The following XDH variants were observed in gnomAD, a reference collection of about 807,000 sequenced individuals.
XDH encodes xanthine dehydrogenase/oxidase.
Under a neutral mutation model 156.1 loss-of-function variants are expected in XDH, and 138 were observed. That is an observed-to-expected ratio of 0.88 (90% confidence interval 0.77 to 1.02). The LOEUF is 1.02. Among genes scored for constraint, XDH ranks in the 50% least tolerant of loss-of-function variants. The pLI is 0.00. For synonymous variants in XDH, 669 were observed against 625.7 expected (o/e 1.07, Z -1.03); for missense variants, 1,849 against 1,684.9 (o/e 1.10, Z -1.71).
chr2:31,379,910 G>C lies in XDH; in HGVS notation c.1199C>G (p.Pro400Arg). The stretch of plus-strand genomic sequence containing the variant: ...CTCTATGGAGAGCAGTATCTCCTCC[G>C]GGCTCAGCAGGGTCTTTCTGTAGCC... ...FPGYRKTLLSPEEILLSIEIP... is the reference protein window; with the variant it reads ...FPGYRKTLLSREEILLSIEIP... Residue 400 changes from proline to arginine, a missense_variant, in exon 13 of 36, where the codon CCG (proline) becomes CGG (arginine). Pro to Arg is a moderately radical substitution (Grantham distance 103, BLOSUM62 -2). Transcript: ENST00000379416. 1 of 1,614,128 alleles carries C rather than the reference G, an allele frequency of 6.2e-7. No homozygotes were observed. Among genetic ancestry groups the C allele is most frequent in the Non-Finnish European group, 8.5e-7 (1 of 1,180,020 alleles).
intron 1 of XDH, among the ~76,000 whole-genome samples, chr2:31,410,668 T>C (rs1687317872): frequency 6.6e-6 from 1 of 152,172 alleles, no homozygotes; most frequent in Non-Finnish European, 1.5e-5. Flanking sequence ...TTCTGTGGTA[T>C]TCCTGCCCCC....
At chr2:31,382,425 T>A (rs1221088730) in intron 11 of XDH, among the ~76,000 whole-genome samples, 1 of 152,210 alleles carries the variant, frequency 6.6e-6, no homozygotes, top group Non-Finnish European at 1.5e-5. Context: ...AGATAGCTTT[T>A]CTTCCGACAC....
rs1304845429 is a variant in XDH at position 31,342,371 on chromosome 2, G to C, written c.3405-74C>G. 19 of 1,294,744 alleles carry C rather than the reference G, an allele frequency of 1.5e-5. No homozygotes were observed. The South Asian group carries it at 1.9e-4, about 13-fold the overall frequency. The allele number at this position is 1,294,744 out of a possible 1,614,324, so 80.2% of individuals were successfully genotyped here. A position where few individuals can be genotyped will look rare whatever the true frequency, so the allele number is the denominator to read the frequency against. On this transcript the variant is annotated intron_variant, in intron 31 of 35. Transcript: ENST00000379416. ...CCCCTTCCCTATGCACGTACAGCTT[G>C]ACCCACAACATCTTTAAACCCCACA...
chr2:31,410,782 A>G (rs371836000), intron 1 of XDH, among the ~76,000 whole-genome samples: 5 of 152,212 alleles, frequency 3.3e-5, no homozygotes, highest in East Asian at 3.8e-4. Flanking sequence ...CACCAATGTC[A>G]TGAAAGGAAA....
chr2:31,373,314 G>A (rs970374604), intron 16 of XDH, among the ~76,000 whole-genome samples: 3 of 152,154 alleles, frequency 2.0e-5, no homozygotes, highest in Admixed American at 2.0e-4. Flanking sequence ...TGTGGCATGG[G>A]GGCCAACACA....
intron 9 of XDH, chr2:31,384,335 G>A (rs1686524943): frequency 5.7e-6 from 1 of 173,918 alleles, no homozygotes; most frequent in South Asian, 1.4e-4. Context: ...ACACAGCTAA[G>A]AATAACCAAA....
At chr2:31,365,307 C>T in intron 23 of XDH, 150 bp downstream of exon 23, 1 of 822,802 alleles carries the variant, frequency 1.2e-6, no homozygotes, top group South Asian at 1.4e-5. Flanking sequence ...TGCTGTTAGC[C>T]TATTTGAATT....
chr2:31,404,223 C>A (rs1484091669), intron 2 of XDH, among the ~76,000 whole-genome samples: 1 of 152,160 alleles, frequency 6.6e-6, no homozygotes, highest in Non-Finnish European at 1.5e-5. Flanking sequence ...TCCTTCCTCC[C>A]CAGCACACCT....
intron 1 of XDH, 103 bp from the exon 2 acceptor site, chr2:31,406,067 G>A: frequency 7.6e-7 from 1 of 1,312,710 alleles, no homozygotes; most frequent in Non-Finnish European, 1.1e-6. Context: ...TGTAGAGTTA[G>A]TAGGAAGTGT....
chr2:31,413,986 G>C (rs747887176), intron 1 of XDH, among the ~76,000 whole-genome samples: 1 of 152,078 alleles, frequency 6.6e-6, no homozygotes, highest in Non-Finnish European at 1.5e-5. Flanking sequence ...AATTCAAGTA[G>C]GTAACAGATT....
At chr2:31,356,453 C>A (rs1038973099) in intron 24 of XDH, among the ~76,000 whole-genome samples, 3 of 152,146 alleles carry the variant, frequency 2.0e-5, no homozygotes, top group Non-Finnish European at 4.4e-5. Context: ...AATGCAATCA[C>A]ATGTCTCTGT....
rs1686219652 is a variant in XDH at position 31,375,453 on chromosome 2, G to A, written c.1529C>T (p.Thr510Ile). The change falls in exon 15 of 36, where the codon ACC becomes ATC. Residue 510 changes from threonine to isoleucine, a missense_variant. By Grantham distance (89) the Thr-to-Ile change is moderately conservative. Transcript: ENST00000379416. ...CTTGAAGAAGAAGCTGAGGGTGAGG[G>A]TGCACCGGAAGTCCACCATGCCACC... is the stretch of plus-strand genomic sequence containing the variant. ...APGGMVDFRC[T>I]LTLSFFFKFY... 11 of 1,614,210 alleles carry A rather than the reference G, an allele frequency of 6.8e-6. No homozygotes were observed. Among genetic ancestry groups the A allele is most frequent in the East Asian group, 2.2e-5 (1 of 44,888 alleles).
chr2:31,392,310 C>G (rs11895133), intron 6 of XDH, among the ~76,000 whole-genome samples: 33,143 of 151,520 alleles, frequency 0.22, 4,005 homozygotes, highest in African/African-American at 0.3. Context: ...GATTTTTGCT[C>G]CAAATTTTAT....
At chr2:31,377,343 T>C (rs985131372) in intron 13 of XDH, 106 bp from the exon 14 acceptor site, 19 of 1,256,694 alleles carry the variant, frequency 1.5e-5, no homozygotes, top group Non-Finnish European at 2.2e-5. Context: ...GATAACACCA[T>C]CACACATCAG....
intron 6 of XDH, among the ~76,000 whole-genome samples, chr2:31,391,008 T>C (rs1232113598): frequency 1.3e-5 from 2 of 152,236 alleles, no homozygotes; most frequent in Non-Finnish European, 2.9e-5. Context: ...AATTATTTCT[T>C]TTATGGATCA....
chr2:31,347,565 G>A lies in XDH; in HGVS notation c.3233C>T (p.Thr1078Met), dbSNP rs748919252. 4.2e-5 allele frequency: 67 copies of A among 1,614,058 alleles called. No homozygotes were observed. The highest frequency in any genetic ancestry group is 1.6e-4 in the Middle Eastern group (1 of 6,074). Residue 1078 changes from threonine (T) to methionine (M), a missense_variant, in exon 29 of 36, where the codon ACG (threonine) becomes ATG (methionine). Transcript: ENST00000379416. ...STNTVPNTSP[T>M]AASVSADLNG... ...GAGGTCAGCGCTGACAGAGGCAGCCGTGGGAGAGGTGTTGGGCACAGTGTT... is the reference window on the plus strand; with the variant it reads ...GAGGTCAGCGCTGACAGAGGCAGCCATGGGAGAGGTGTTGGGCACAGTGTT...
intron 3 of XDH, among the ~76,000 whole-genome samples, chr2:31,401,691 C>T (rs1687065278): frequency 6.6e-6 from 1 of 152,236 alleles, no homozygotes; most frequent in Non-Finnish European, 1.5e-5. Context: ...AGCCTTAAAG[C>T]ATGCTCCTGC....
intron 26 of XDH, 113 bp from the exon 27 acceptor site, chr2:31,349,093 A>G: frequency 9.8e-7 from 1 of 1,023,396 alleles, no homozygotes; most frequent in Non-Finnish European, 1.5e-6. Flanking sequence ...CAAAGATGAG[A>G]ACAGTCAGCT....
At position 31,339,443 on chromosome 2, in the gene XDH, C is replaced by T. The variant is rs1307119060; in HGVS notation, c.3774+46G>A. ...CCTCTCATCACCCGCTGGGGCCTCCCCCAGGGCAGATCAGAAGAGACAGCA... is the reference window on the plus strand; with the variant it reads ...CCTCTCATCACCCGCTGGGGCCTCCTCCAGGGCAGATCAGAAGAGACAGCA... On this transcript the variant is annotated intron_variant, in intron 34 of 35. Transcript: ENST00000379416. 10 of 1,612,530 alleles carry T rather than the reference C, an allele frequency of 6.2e-6. No individual in the cohort carries two copies. The African/African-American group carries it at 6.7e-5, about 11-fold the overall frequency.
Sources: allele counts gnomAD v4.1 joint callset (sites outside exome capture counted in the v4.1 genomes callset), GRCh38; gene constraint gnomAD v4.1.1; transcripts MANE v1.5; gene names NCBI Gene and HGNC (gene_info 2026-07-23, HGNC 2026-07-21).